Variants in ABCD2 observed in about 807,000 individuals in gnomAD.
ABCD2 encodes the protein ATP-binding cassette sub-family D member 2.
In ABCD2, 36 loss-of-function variants were observed where a neutral mutation model predicts 70.9. The observed-to-expected ratio is 0.51, with a 90% confidence interval of 0.39 to 0.67. ABCD2 has a LOEUF of 0.67. Among genes scored for constraint, ABCD2 ranks in the 30% least tolerant of loss-of-function variants. The probability of loss-of-function intolerance (pLI) is 0.00; values close to 1 mark genes in which losing one functional copy is unlikely to be tolerated. For synonymous variants in ABCD2, 304 were observed against 306.9 expected, an observed-to-expected ratio of 0.99 and a Z score of 0.10; for missense variants, 729 against 890.2, an observed-to-expected ratio of 0.82 and a Z score of 2.30.
At chr12:39,555,222 A>G (rs1009830672) in intron 9 of ABCD2, among the ~76,000 whole-genome samples, 3 of 152,020 alleles carry the variant, frequency 2.0e-5, no homozygotes, top group African/African-American at 4.8e-5. Flanking sequence ...GCCCCTGACA[A>G]CCACTAATCT....
the ABCD2 span, among the ~76,000 whole-genome samples, chr12:39,538,646 G>A: frequency 6.6e-6 from 1 of 152,084 alleles, no homozygotes; most frequent in African/African-American, 2.4e-5. Flanking sequence ...ATAAATATAG[G>A]GGATAAGTGA....
At chr12:39,611,353 C>T (rs950105370) in intron 2 of ABCD2, among the ~76,000 whole-genome samples, 2 of 152,090 alleles carry the variant, frequency 1.3e-5, no homozygotes, top group African/African-American at 4.8e-5. Context: ...ACTGTACCTT[C>T]TGATCAGTTT....
intron 5 of ABCD2, among the ~76,000 whole-genome samples, chr12:39,601,763 GTAT>G (rs1349402283): frequency 6.6e-6 from 1 of 152,050 alleles, no homozygotes; most frequent in African/African-American, 2.4e-5. Flanking sequence ...AGATGAAAGA[GTAT>G]TATTATATTG....
At chr12:39,580,514 A>C (rs913326430) in intron 7 of ABCD2, among the ~76,000 whole-genome samples, 5 of 152,228 alleles carry the variant, frequency 3.3e-5, no homozygotes, top group Non-Finnish European at 7.3e-5. Flanking sequence ...GTAAATAAAC[A>C]CTACACATAT....
At chr12:39,583,343 C>T (rs935556202) in intron 7 of ABCD2, among the ~76,000 whole-genome samples, 1 of 152,152 alleles carries the variant, frequency 6.6e-6, no homozygotes, top group African/African-American at 2.4e-5. Context: ...TTCTCAATCA[C>T]TGTACTACTT....
the ABCD2 span, among the ~76,000 whole-genome samples, chr12:39,536,713 G>C: frequency 6.6e-6 from 1 of 152,118 alleles, no homozygotes; most frequent in Non-Finnish European, 1.5e-5. Context: ...GAGGTGAGCT[G>C]AAGGAGAAAA....
the ABCD2 span, among the ~76,000 whole-genome samples, chr12:39,533,455 C>T: frequency 2.0e-5 from 3 of 152,046 alleles, no homozygotes; most frequent in Non-Finnish European, 4.4e-5. Flanking sequence ...TTGATGAGCC[C>T]TGAAAGAGAT....
intron 9 of ABCD2, among the ~76,000 whole-genome samples, chr12:39,560,508 C>A (rs1156704835): frequency 6.6e-6 from 1 of 151,904 alleles, no homozygotes; most frequent in Non-Finnish European, 1.5e-5. Context: ...AAATTATAAC[C>A]ATTAAAATAA....
At position 39,554,054 on chromosome 12, in the gene ABCD2, A is replaced by T. The variant is rs1230437921; in HGVS notation, c.2081T>A (p.Leu694Ter). 1.9e-6 allele frequency: 3 copies of T among 1,613,658 alleles called. No homozygotes were observed. Among genetic ancestry groups the T allele is most frequent in the Non-Finnish European group, 2.5e-6 (3 of 1,179,864 alleles). Residue 694 changes from leucine (L) to a stop codon, truncating the protein, a stop_gained, in exon 10 of 10, where the codon TTG becomes TAG. Coordinates refer to ENST00000308666, the MANE Select transcript of ABCD2 (RefSeq NM_005164.4). LOFTEE classifies it high-confidence loss of function. Reference sequence around the variant, plus strand: ...CTTTTGTTTTTCTTCACTCAATGTCAAACGGATAGCAGTATCCAATTGTTC... The same window carrying T: ...CTTTTGTTTTTCTTCACTCAATGTCTAACGGATAGCAGTATCCAATTGTTC... ...RFEQLDTAIR[L>*]TLSEEKQKLE...
chr12:39,586,647 T>A (rs1302239723), intron 6 of ABCD2, among the ~76,000 whole-genome samples: 1 of 152,140 alleles, frequency 6.6e-6, no homozygotes, highest in Non-Finnish European at 1.5e-5. Context: ...CCTCCTAACT[T>A]GGCCTCCCAA....
the ABCD2 span, among the ~76,000 whole-genome samples, chr12:39,542,417 A>G: frequency 7.9e-5 from 12 of 151,216 alleles, no homozygotes; most frequent in African/African-American, 2.7e-4. Flanking sequence ...GAGCTGAGAT[A>G]CGCCACTGCA....
At chr12:39,611,924 A>G (rs564058424) in intron 2 of ABCD2, among the ~76,000 whole-genome samples, 1 of 152,300 alleles carries the variant, frequency 6.6e-6, no homozygotes, top group East Asian at 1.9e-4. Flanking sequence ...CCAATGTAAA[A>G]ATGAGCAAAA....
chr12:39,579,234 C>T (rs557916365), intron 8 of ABCD2, among the ~76,000 whole-genome samples: 37 of 152,218 alleles, frequency 2.4e-4, no homozygotes, highest in Middle Eastern at 3.4e-3. Context: ...TGGTGGCACA[C>T]GCCTGTAATT....
chr12:39,612,305 C>G (rs1942056135), intron 2 of ABCD2, among the ~76,000 whole-genome samples: 1 of 152,088 alleles, frequency 6.6e-6, no homozygotes, highest in African/African-American at 2.4e-5. Context: ...TACTAATACC[C>G]AGCAAACTGG....
At chr12:39,534,003 T>C in the ABCD2 span, among the ~76,000 whole-genome samples, 6,248 of 152,312 alleles carry the variant, frequency 0.041, 429 homozygotes, top group African/African-American at 0.14. Flanking sequence ...ACCTGGGGTA[T>C]AGAAACAACT....
chr12:39,607,748 T>G (rs1367435766), intron 2 of ABCD2, 34 bp from the exon 3 acceptor site: 2 of 1,260,446 alleles, frequency 1.6e-6, no homozygotes, highest in South Asian at 1.3e-5. Flanking sequence ...AACTTGAGTT[T>G]TTTTTTTTTT....
chr12:39,583,676 T>A (rs573627954), intron 7 of ABCD2, among the ~76,000 whole-genome samples: 1 of 152,268 alleles, frequency 6.6e-6, no homozygotes, highest in Admixed American at 6.5e-5. Context: ...CCTCCTACCC[T>A]CCAATCCTCA....
the ABCD2 span, among the ~76,000 whole-genome samples, chr12:39,534,685 A>AGGAAGGAAGGAC: frequency 1.2e-5 from 1 of 84,576 alleles, no homozygotes; most frequent in East Asian, 3.1e-4. Context: ...GAGGGAAGGA[A>AGGAAGGAAGGAC]GGAAGGAAGG....
At chr12:39,577,475 T>A (rs11172675) in intron 8 of ABCD2, among the ~76,000 whole-genome samples, 11,282 of 152,174 alleles carry the variant, frequency 0.074, 600 homozygotes, top group South Asian at 0.28. Context: ...TTAACCCAAT[T>A]CCTTCAGCAA....
Sources: gnomAD v4.1 joint callset for allele counts (sites outside exome capture counted in the v4.1 genomes callset) on GRCh38, gnomAD v4.1.1 for gene constraint, MANE v1.5 for transcripts, NCBI Gene and HGNC (gene_info 2026-07-23, HGNC 2026-07-21) for gene names.